Variants in CBR1 observed in about 807,000 individuals in gnomAD.
The protein encoded by CBR1 is carbonyl reductase [NADPH] 1.
Under a neutral mutation model 10.6 loss-of-function variants are expected in CBR1, and 11 were observed. That is an observed-to-expected ratio of 1.03 (90% CI 0.65 to 1.71). CBR1 has a LOEUF of 1.71. Among genes scored for constraint, CBR1 ranks in the 40% most tolerant of loss-of-function variants. The pLI is 0.00. For synonymous variants in CBR1, 158 were observed against 156.7 expected, an observed-to-expected ratio of 1.01 and a Z score of -0.06; for missense variants, 361 against 368.6, an observed-to-expected ratio of 0.98 and a Z score of 0.17.
Position 36,072,952 on chromosome 21 carries a change from C to A in CBR1, c.*70C>A. ...CCTGAGTTGGTCCAAAGGGCATTTA[C>A]AATGTCATAAATATCCTTATATAAG... On this transcript the variant is annotated 3_prime_UTR_variant, in exon 3 of 3. Coordinates refer to ENST00000290349, the MANE Select transcript of CBR1 (RefSeq NM_001757.4). 1 of 1,045,646 alleles carries A rather than the reference C, an allele frequency of 9.6e-7. No individual in the cohort carries two copies. The highest frequency in any genetic ancestry group is 1.4e-6 in the Non-Finnish European group (1 of 714,846). The allele number at this position is 1,045,646 out of a possible 1,614,324, so 64.8% of individuals were successfully genotyped here.
intron 2 of CBR1, chr21:36,071,574 C>G (rs1055134645): frequency 3.5e-6 from 2 of 574,256 alleles, no homozygotes; most frequent in South Asian, 2.1e-5. Context: ...CAGAGGATCC[C>G]TATCCTTTTC....
rs1432771382 is a variant in CBR1 at position 36,070,270 on chromosome 21, C to T, written c.155C>T (p.Ala52Val). 2.5e-6 allele frequency: 4 copies of T among 1,611,908 alleles called. No homozygotes were observed. The highest frequency in any genetic ancestry group is 2.7e-5 in the African/African-American group (2 of 74,920). Residue 52 changes from alanine (A) to valine (V), a missense_variant, in exon 1 of 3, where the codon GCG becomes GTG. By Grantham distance (64) the Ala-to-Val change is moderately conservative (BLOSUM62 0). Transcript: ENST00000290349. ...RGQAAVQQLQ[A>V]EGLSPRFHQL... ...CAGGCGGCCGTACAGCAGCTGCAGG[C>T]GGAGGGCCTGAGCCCGCGCTTCCAC...
rs751633352 is a variant in CBR1, at chr21:36,072,162, C to T, written c.398-284C>T. ...CTTTTATCCTGTTTCCCTGTCCTGT[C>T]GTCCTGTTAAGTTGTGCTACTTCTA... On this transcript the variant is annotated intron_variant, in intron 2 of 2. Transcript: ENST00000290349. 12 of 1,547,184 alleles carry T rather than the reference C, an allele frequency of 7.8e-6. No individual in the cohort carries two copies. The Middle Eastern group carries it at 6.7e-4, about 86-fold the overall frequency.
intron 1 of CBR1, 89 bp from the exon 2 acceptor site, chr21:36,070,861 T>TGG: frequency 7.2e-6 from 5 of 698,702 alleles, no homozygotes; most frequent in Non-Finnish European, 1.1e-5. Context: ...AAGTTTTTTT[T>TGG]TTTTTTTTTT....
At chr21:36,071,788 G>C (rs1010162127) in intron 2 of CBR1, 1 of 1,492,794 alleles carries the variant, frequency 6.7e-7, no homozygotes, top group Non-Finnish European at 9.0e-7. Context: ...CTCTGGTCTT[G>C]AGTCTTTTCC....
chr21:36,072,603 G>C lies in CBR1; in HGVS notation c.555G>C (p.Gln185His). 3.7e-6 allele frequency: 6 copies of C among 1,604,442 alleles called. No homozygotes were observed. The highest frequency in any genetic ancestry group is 5.1e-6 in the Non-Finnish European group (6 of 1,175,032). ...AGGATACAAAGAAGGGAGTGCACCAGAAGGAGGGCTGGCCCAGCAGCGCAT... is the reference window on the plus strand; with the variant it reads ...AGGATACAAAGAAGGGAGTGCACCACAAGGAGGGCTGGCCCAGCAGCGCAT... ...FVEDTKKGVH[Q>H]KEGWPSSAYG... Residue 185 changes from glutamine to histidine, a missense_variant, in exon 3 of 3, where the codon CAG (glutamine) becomes CAC (histidine). Physicochemically the swap from Gln to His is conservative, Grantham distance 24. Transcript: ENST00000290349.
In CBR1 at chr21:36,070,178, C is replaced by A; in HGVS notation, c.63C>A (p.Ile21=). The A allele has an allele frequency of 6.3e-7, 1 of 1,595,356 alleles. No individual in the cohort carries two copies. The highest frequency in any genetic ancestry group is 1.7e-4 in the Middle Eastern group (1 of 5,946). The change falls in exon 1 of 3, where the codon ATC becomes ATA. Residue 21 remains isoleucine (I), a synonymous_variant. Transcript: ENST00000290349. The part of the protein sequence containing the change: ...TGGNKGIGLA[I]VRDLCRLFSG... ...GCAACAAGGGCATCGGCTTGGCCAT[C>A]GTGCGCGACCTGTGCCGGCTGTTCT... is the stretch of plus-strand genomic sequence containing the variant.
intron 1 of CBR1, 72 bp from the exon 2 acceptor site, chr21:36,070,878 T>TTTAGTA: frequency 3.3e-6 from 3 of 901,768 alleles, no homozygotes; most frequent in South Asian, 1.7e-5. Context: ...TTTTTTTTTT[T>TTTAGTA]TTAGTATCAT....
chr21:36,071,386 T>C (rs1000643873), intron 2 of CBR1: 1 of 600,172 alleles, frequency 1.7e-6, no homozygotes, highest in Non-Finnish European at 3.0e-6. Flanking sequence ...CTGTACCCTT[T>C]CTCTGCTCTT....
chr21:36,071,236 C>T (rs1452061418), intron 2 of CBR1, 179 bp downstream of exon 2: 4 of 703,432 alleles, frequency 5.7e-6, no homozygotes, highest in Non-Finnish European at 1.0e-5. Flanking sequence ...CCTCACTTCT[C>T]CCACTCCCAT....
chr21:36,071,894 A>G (rs1410662398), intron 2 of CBR1: 1 of 1,535,954 alleles, frequency 6.5e-7, no homozygotes, highest in Non-Finnish European at 8.7e-7. Flanking sequence ...CATGGTTCAC[A>G]GAGATGTCCA....
At chr21:36,072,157 C>G (rs1186167717) in intron 2 of CBR1, 3 of 1,546,036 alleles carry the variant, frequency 1.9e-6, no homozygotes, top group Non-Finnish European at 2.6e-6. Context: ...GTTTCCCTGT[C>G]CTGTCGTCCT....
At position 36,072,630 on chromosome 21, in the gene CBR1, C is replaced by T. The variant is rs746216247; in HGVS notation, c.582C>T (p.Tyr194=). ...HQKEGWPSSA[Y]GVTKIGVTVL... is the part of the protein sequence containing the mutation. ...AGGAGGGCTGGCCCAGCAGCGCATACGGGGTGACGAAGATTGGCGTCACCG... is the reference window on the plus strand; with the variant it reads ...AGGAGGGCTGGCCCAGCAGCGCATATGGGGTGACGAAGATTGGCGTCACCG... The change falls in exon 3 of 3, where the codon TAC becomes TAT. Residue 194 remains tyrosine, a synonymous_variant. Transcript: ENST00000290349. 5.0e-6 allele frequency: 8 copies of T among 1,610,288 alleles called. No homozygotes were observed. The highest frequency in any genetic ancestry group is 1.7e-4 in the Middle Eastern group (1 of 6,054).
Position 36,072,639 on chromosome 21 carries a change from G to A in CBR1, c.591G>A (p.Thr197=), listed in dbSNP as rs2230191. 2,153 of 1,611,506 alleles carry A rather than the reference G, an allele frequency of 1.3e-3. 10 individuals carry two copies. In the African/African-American group the frequency reaches 0.015, roughly 12 times the overall value. ...EGWPSSAYGV[T]KIGVTVLSRI... ...GGCCCAGCAGCGCATACGGGGTGAC[G>A]AAGATTGGCGTCACCGTTCTGTCCA... is the stretch of plus-strand genomic sequence containing the variant. The change falls in exon 3 of 3, where the codon ACG becomes ACA. Residue 197 remains threonine (T), a synonymous_variant. Transcript: ENST00000290349.
chr21:36,071,867 A>G, intron 2 of CBR1: 2 of 1,536,114 alleles, frequency 1.3e-6, no homozygotes, highest in East Asian at 2.4e-5. Context: ...CTTCAGGAGG[A>G]AAGTCCAAGC....
rs146758729 is a variant in CBR1 at position 36,072,631 on chromosome 21, G to A, written c.583G>A (p.Gly195Arg). The change falls in exon 3 of 3, where the codon GGG (glycine) becomes AGG (arginine). Residue 195 changes from glycine (G) to arginine (R), a missense_variant. Transcript: ENST00000290349. Reference protein sequence around the residue: ...QKEGWPSSAYGVTKIGVTVLS... With the variant: ...QKEGWPSSAYRVTKIGVTVLS... ...GGAGGGCTGGCCCAGCAGCGCATAC[G>A]GGGTGACGAAGATTGGCGTCACCGT... is the stretch of plus-strand genomic sequence containing the variant. 1.5e-3 allele frequency: 2,411 copies of A among 1,610,824 alleles called. 10 individuals carry two copies. The highest frequency in any genetic ancestry group is 1.3e-3 in the Non-Finnish European group (1,548 of 1,178,210).
Position 36,072,471 on chromosome 21 carries a change from C to T in CBR1, c.423C>T (p.Ile141=). ...GGAGAGTGGTGAACGTATCTAGCATCATGAGCGTCAGAGCCCTTAAAAGCT... is the reference window on the plus strand; with the variant it reads ...GGAGAGTGGTGAACGTATCTAGCATTATGAGCGTCAGAGCCCTTAAAAGCT... ...PQGRVVNVSS[I]MSVRALKSCS... Residue 141 remains isoleucine (I), a synonymous_variant, in exon 3 of 3, where the codon ATC becomes ATT. Transcript: ENST00000290349. 6.2e-7 allele frequency: 1 copy of T among 1,614,108 alleles called. No homozygotes were observed.
Position 36,072,573 on chromosome 21 carries a change from T to G in CBR1, c.525T>G (p.Phe175Leu), listed in dbSNP as rs764197380. 3 of 1,601,732 alleles carry G rather than the reference T, an allele frequency of 1.9e-6. No individual in the cohort carries two copies. Among genetic ancestry groups the G allele is most frequent in the Non-Finnish European group, 2.6e-6 (3 of 1,174,316 alleles). The change falls in exon 3 of 3, where the codon TTT (phenylalanine) becomes TTG (leucine). Residue 175 changes from phenylalanine (F) to leucine (L), a missense_variant. Transcript: ENST00000290349. The part of the protein sequence containing the change: ...EEELVGLMNK[F>L]VEDTKKGVHQ... ...AGCTGGTGGGGCTCATGAACAAGTT[T>G]GTGGAGGATACAAAGAAGGGAGTGC...
At chr21:36,071,956 T>C (rs889658818) in intron 2 of CBR1, 5 of 1,536,112 alleles carry the variant, frequency 3.3e-6, no homozygotes, top group Non-Finnish European at 4.4e-6. Context: ...TTCAACGTGC[T>C]GAAGGTGCTG....
Sources: gnomAD v4.1 joint callset for allele counts on GRCh38, gnomAD v4.1.1 for gene constraint, MANE v1.5 for transcripts, NCBI Gene and HGNC (gene_info 2026-07-23, HGNC 2026-07-21) for gene names.